Variants in NREP observed in about 807,000 individuals in gnomAD.
NREP encodes neuronal regeneration-related protein.
In NREP, 5 loss-of-function variants were observed where a neutral mutation model predicts 8.6. The ratio of observed to expected loss-of-function variants is 0.58; its 90% CI spans 0.30 to 1.22. The LOEUF is 1.22. Among genes scored for constraint, NREP ranks in the 50% most tolerant of loss-of-function variants. The pLI is 0.07. For missense variants in NREP, 86 were observed against 82.5 expected (o/e 1.04, Z -0.17); for synonymous variants, 27 against 28.0 (o/e 0.96, Z 0.11).
intron 2 of NREP, among the ~76,000 whole-genome samples, chr5:111,770,179 T>C (rs78355771): frequency 6.6e-6 from 1 of 152,344 alleles, no homozygotes; most frequent in African/African-American, 2.4e-5. Context: ...ATTTTTCAAT[T>C]TTTATAACCC....
At position 111,775,330 on chromosome 5, in the gene NREP, G is replaced by A. The variant is rs1751330976; in HGVS notation, c.136-39823C>T. On this transcript the variant is annotated intron_variant, in intron 2 of 3. Transcript: ENST00000395634. ...CCAAATCTTTAGGGAGCAGTGTGAA[G>A]TGAGTGCCTGGCAATCTCCCTGTGA... Among the ~76,000 whole-genome samples, 2 of 152,164 alleles carry A rather than the reference G, an allele frequency of 1.3e-5. 1 individual carries two copies. Among genetic ancestry groups the A allele is most frequent in the Admixed American group, 1.3e-4 (2 of 15,274 alleles).
intron 2 of NREP, among the ~76,000 whole-genome samples, chr5:111,956,916 A>AC (rs1443073055): frequency 6.6e-6 from 1 of 152,026 alleles, no homozygotes. Context: ...GTGAGCAGAG[A>AC]TTGCACCACT....
intron 2 of NREP, among the ~76,000 whole-genome samples, chr5:111,783,757 C>T (rs1279883889): frequency 1.3e-5 from 2 of 152,008 alleles, no homozygotes; most frequent in East Asian, 1.9e-4. Context: ...GAGAAATTTG[C>T]CAATTTTGTT....
intron 2 of NREP, chr5:111,739,348 T>G (rs952016030): frequency 3.3e-5 from 5 of 152,242 alleles, no homozygotes; most frequent in Admixed American, 1.3e-4. Context: ...ATAAGCTCCA[T>G]GCAGGCAAGT....
At chr5:111,906,485 T>C (rs1754782393) in intron 2 of NREP, among the ~76,000 whole-genome samples, 1 of 150,802 alleles carries the variant, frequency 6.6e-6, no homozygotes. Flanking sequence ...GTATCCAAAT[T>C]ACTCTATTTT....
chr5:111,755,454 T>A (rs1472089517), intron 2 of NREP: 1 of 345,554 alleles, frequency 2.9e-6, no homozygotes, highest in Non-Finnish European at 5.6e-6. Flanking sequence ...ACCACCTCCA[T>A]GCGTGTCACA....
chr5:111,835,191 G>C (rs142931096), intron 2 of NREP, among the ~76,000 whole-genome samples: 216 of 152,256 alleles, frequency 1.4e-3, no homozygotes, highest in African/African-American at 5.0e-3. Context: ...GCCAGGGCTA[G>C]CCACAGAAGG....
At chr5:111,844,648 A>AATATATATATTATATATATT (rs1038767778) in intron 2 of NREP, among the ~76,000 whole-genome samples, 14 of 147,442 alleles carry the variant, frequency 9.5e-5, no homozygotes, top group South Asian at 2.1e-4. Context: ...TATATCAACT[A>AATATATATATTATATATATT]ATATATATAT....
intron 2 of NREP, among the ~76,000 whole-genome samples, chr5:111,781,224 G>T (rs920746024): frequency 6.6e-6 from 1 of 152,048 alleles, no homozygotes; most frequent in Non-Finnish European, 1.5e-5. Flanking sequence ...AATAGAATGG[G>T]GTATAAGTGA....
intron 2 of NREP, among the ~76,000 whole-genome samples, chr5:111,973,196 T>A (rs145377255): frequency 1.3e-5 from 2 of 152,146 alleles, no homozygotes; most frequent in East Asian, 3.9e-4. Context: ...TTTCTTCTGA[T>A]CTTGCAGTGC....
At chr5:111,756,312 ACCCT>A in intron 1 of NREP, 11 of 99,418 alleles carry the variant, frequency 1.1e-4, no homozygotes, top group Non-Finnish European at 1.6e-4. Flanking sequence ...AAAAAAAAAA[ACCCT>A]ACACGGCGGG....
At chr5:111,879,108 T>C (rs1386815536) in intron 2 of NREP, among the ~76,000 whole-genome samples, 1 of 152,170 alleles carries the variant, frequency 6.6e-6, no homozygotes, top group Non-Finnish European at 1.5e-5. Context: ...GCTGGTTGTT[T>C]AAAGAGCCTG....
At position 111,944,660 on chromosome 5, in the gene NREP, T is replaced by G. The variant is rs1394117095; in HGVS notation, c.135+30614A>C. ...CCACAGCTAAATTCTTGAATATCTG[T>G]TCTTAACTTGATTGGTTCTCTCTTG... On this transcript the variant is annotated intron_variant, in intron 2 of 3. Coordinates refer to the NREP transcript ENST00000395634. 2.0e-5 allele frequency among the ~76,000 whole-genome samples: 3 copies of G among 152,138 alleles called. No individual in the cohort carries two copies. In the East Asian group the frequency reaches 5.8e-4, roughly 29 times the overall value.
intron 2 of NREP, among the ~76,000 whole-genome samples, chr5:111,807,704 A>G (rs1413401556): frequency 6.6e-6 from 1 of 152,224 alleles, no homozygotes; most frequent in Non-Finnish European, 1.5e-5. Flanking sequence ...AACATTTGTA[A>G]TATGCCTCAT....
intron 2 of NREP, among the ~76,000 whole-genome samples, chr5:111,922,273 G>T (rs916765865): frequency 6.6e-6 from 1 of 152,074 alleles, no homozygotes; most frequent in Non-Finnish European, 1.5e-5. Context: ...CAATGGAAAT[G>T]ATATTGTATG....
chr5:111,967,120 T>C (rs1326847159), intron 2 of NREP, among the ~76,000 whole-genome samples: 1 of 152,168 alleles, frequency 6.6e-6, no homozygotes, highest in Non-Finnish European at 1.5e-5. Context: ...CTACAATGCA[T>C]TGGACAGCCC....
chr5:111,741,866 A>AG (rs1749701633), intron 2 of NREP, among the ~76,000 whole-genome samples: 3 of 112,226 alleles, frequency 2.7e-5, no homozygotes, highest in African/African-American at 1.0e-4. Context: ...CACACACTGG[A>AG]GCTGGCTGTG....
chr5:111,784,199 C>T (rs909549102), intron 2 of NREP, among the ~76,000 whole-genome samples: 1 of 152,026 alleles, frequency 6.6e-6, no homozygotes, highest in African/African-American at 2.4e-5. Context: ...AATGGACTTA[C>T]AGGAGGTATA....
At chr5:111,947,851 A>G (rs1756034966) in intron 2 of NREP, among the ~76,000 whole-genome samples, 1 of 152,068 alleles carries the variant, frequency 6.6e-6, no homozygotes, top group Admixed American at 6.6e-5. Flanking sequence ...GTAATTAAAC[A>G]TATTCCTCCT....
Sources: gnomAD v4.1 joint callset for allele counts (sites outside exome capture counted in the v4.1 genomes callset) on GRCh38, gnomAD v4.1.1 for gene constraint, MANE v1.5 for transcripts, NCBI Gene and HGNC (gene_info 2026-07-23, HGNC 2026-07-21) for gene names.